Variants in PTPRR observed in about 807,000 individuals in gnomAD.
The protein encoded by PTPRR is protein tyrosine phosphatase receptor type R.
Under a neutral mutation model 77.2 loss-of-function variants are expected in PTPRR, and 38 were observed. That is an observed-to-expected ratio of 0.49 (90% CI 0.38 to 0.65). PTPRR has a LOEUF of 0.65. PTPRR is among the 30% of genes least tolerant of loss of function. The pLI, the probability that PTPRR is intolerant of heterozygous loss-of-function variation, is 0.00. For missense variants in PTPRR, 744 were observed against 799.2 expected (o/e 0.93, Z 0.83); for synonymous variants, 299 against 283.1 (o/e 1.06, Z -0.57).
intron 3 of PTPRR, among the ~76,000 whole-genome samples, chr12:70,762,257 A>AT (rs1379296014): frequency 6.6e-6 from 1 of 152,050 alleles, no homozygotes; most frequent in African/African-American, 2.4e-5. Context: ...GAGTCAGAGA[A>AT]TTTCTTACCA....
intron 2 of PTPRR, among the ~76,000 whole-genome samples, chr12:70,828,066 C>T (rs1892146735): frequency 6.6e-6 from 1 of 152,114 alleles, no homozygotes; most frequent in African/African-American, 2.4e-5. Flanking sequence ...GAAGGTTCTG[C>T]TCTCATGACT....
chr12:70,737,257 TACC>T (rs1565674481), intron 6 of PTPRR, among the ~76,000 whole-genome samples: 2 of 152,064 alleles, frequency 1.3e-5, no homozygotes, highest in African/African-American at 2.4e-5. Flanking sequence ...AGATGGCTGC[TACC>T]ACCACCTCTT....
At chr12:70,675,751 T>C (rs1887421757) in intron 10 of PTPRR, among the ~76,000 whole-genome samples, 1 of 151,972 alleles carries the variant, frequency 6.6e-6, no homozygotes, top group African/African-American at 2.4e-5. Context: ...CCATTTTTGT[T>C]AGTTTGAAAA....
intron 6 of PTPRR, among the ~76,000 whole-genome samples, chr12:70,719,566 A>T (rs1889166167): frequency 6.6e-6 from 1 of 152,142 alleles, no homozygotes; most frequent in East Asian, 1.9e-4. Context: ...TTAAAAAAAT[A>T]ATGAAAATTG....
intron 13 of PTPRR, among the ~76,000 whole-genome samples, chr12:70,642,642 T>C (rs565382137): frequency 1.2e-4 from 18 of 152,058 alleles, no homozygotes; most frequent in Non-Finnish European, 2.4e-4. Context: ...CTTGTAACAA[T>C]AAAAAGCACT....
In PTPRR at chr12:70,674,689, T is replaced by C. The variant is rs372341185; in HGVS notation, c.1497+9438A>G. Among the ~76,000 whole-genome samples the C allele has an allele frequency of 8.5e-5, 13 of 152,254 alleles. No homozygotes were observed. The East Asian group carries it at 2.1e-3, about 25-fold the overall frequency. ...TTCACAAAATCTCATGCTTTGAAAATTTATATTATGAGATTATTGATTGGA... is the reference window on the plus strand; with the variant it reads ...TTCACAAAATCTCATGCTTTGAAAACTTATATTATGAGATTATTGATTGGA... On this transcript the variant is annotated intron_variant, in intron 10 of 13. Transcript: ENST00000283228.
At chr12:70,904,793 T>C (rs996213159) in intron 1 of PTPRR, among the ~76,000 whole-genome samples, 1 of 151,880 alleles carries the variant, frequency 6.6e-6, no homozygotes, top group Admixed American at 6.6e-5. Context: ...TAAAAAGTAG[T>C]TTCAGTGTGT....
intron 2 of PTPRR, among the ~76,000 whole-genome samples, chr12:70,838,396 C>T (rs992480497): frequency 4.6e-5 from 7 of 152,144 alleles, no homozygotes; most frequent in Admixed American, 2.0e-4. Flanking sequence ...AGGTCAATAA[C>T]ACTAAAACAT....
At chr12:70,837,701 C>G (rs760517085) in intron 2 of PTPRR, among the ~76,000 whole-genome samples, 1 of 152,056 alleles carries the variant, frequency 6.6e-6, no homozygotes, top group Non-Finnish European at 1.5e-5. Context: ...AAGCCTACTC[C>G]TTTTTGGGTT....
chr12:70,683,180 A>C (rs927184967), intron 10 of PTPRR, among the ~76,000 whole-genome samples: 10 of 152,186 alleles, frequency 6.6e-5, no homozygotes, highest in Non-Finnish European at 1.5e-4. Flanking sequence ...TTATAAAGGA[A>C]TGCTTAGTTT....
chr12:70,763,051 T>C (rs573468009), intron 3 of PTPRR, among the ~76,000 whole-genome samples: 2 of 151,952 alleles, frequency 1.3e-5, no homozygotes, highest in South Asian at 2.1e-4. Flanking sequence ...GCAAAATATA[T>C]ATGCACAGGT....
chr12:70,703,791 G>C (rs1888516578), intron 6 of PTPRR, among the ~76,000 whole-genome samples: 1 of 152,100 alleles, frequency 6.6e-6, no homozygotes, highest in South Asian at 2.1e-4. Flanking sequence ...AGCCTCAAGA[G>C]ACAAAATTGT....
intron 6 of PTPRR, among the ~76,000 whole-genome samples, chr12:70,717,594 A>T (rs1889080549): frequency 6.6e-6 from 1 of 152,236 alleles, no homozygotes; most frequent in Non-Finnish European, 1.5e-5. Flanking sequence ...TAATGAAAAA[A>T]TGCTTAGTAC....
At position 70,823,310 on chromosome 12, in the gene PTPRR, A is replaced by G. The variant is rs1302525487; in HGVS notation, c.358-58532T>C. Among the ~76,000 whole-genome samples, 3 of 152,232 alleles carry G rather than the reference A, an allele frequency of 2.0e-5. No individual in the cohort carries two copies. The East Asian group carries it at 5.8e-4, about 29-fold the overall frequency. ...CTCCTGAAACACATTGACCCACAGTACGGCAGAGCAGTGACAGAAATATCT... is the reference window on the plus strand; with the variant it reads ...CTCCTGAAACACATTGACCCACAGTGCGGCAGAGCAGTGACAGAAATATCT... On this transcript the variant is annotated intron_variant, in intron 2 of 13. Coordinates refer to ENST00000283228, the MANE Select transcript of PTPRR (RefSeq NM_002849.4).
At chr12:70,913,202 T>A (rs1244376183) in intron 1 of PTPRR, among the ~76,000 whole-genome samples, 1 of 152,108 alleles carries the variant, frequency 6.6e-6, no homozygotes, top group Non-Finnish European at 1.5e-5. Context: ...ATGTCTTCTA[T>A]GAGAAAAAAT....
intron 2 of PTPRR, among the ~76,000 whole-genome samples, chr12:70,873,592 G>C (rs763291016): frequency 6.6e-6 from 1 of 152,082 alleles, no homozygotes; most frequent in East Asian, 1.9e-4. Context: ...TGAATCTATG[G>C]AACAAAAATA....
chr12:70,882,917 ATG>A (rs1592812822), intron 2 of PTPRR, among the ~76,000 whole-genome samples: 1 of 152,186 alleles, frequency 6.6e-6, no homozygotes, highest in South Asian at 2.1e-4. Context: ...AGAGTATTCA[ATG>A]TGTTTTATCA....
chr12:70,894,240 C>T (rs913391182), intron 1 of PTPRR, among the ~76,000 whole-genome samples: 1 of 151,734 alleles, frequency 6.6e-6, no homozygotes, highest in African/African-American at 2.4e-5. Flanking sequence ...AGCGTCTGTA[C>T]TTTATTTTGT....
intron 10 of PTPRR, among the ~76,000 whole-genome samples, chr12:70,676,466 C>A (rs2136710249): frequency 6.6e-6 from 1 of 151,982 alleles, no homozygotes; most frequent in East Asian, 1.9e-4. Flanking sequence ...TTATGTGAAT[C>A]TATTTAATTG....
Sources: allele counts gnomAD v4.1 joint callset (sites outside exome capture counted in the v4.1 genomes callset), GRCh38; gene constraint gnomAD v4.1.1; transcripts MANE v1.5; gene names NCBI Gene and HGNC (gene_info 2026-07-23, HGNC 2026-07-21).